ACBD6: variants seen among roughly 807,000 people sequenced by gnomAD.
ACBD6 encodes the protein acyl-CoA-binding domain-containing protein 6.
ACBD6 carries 28 observed loss-of-function variants against 37.2 expected under a neutral mutation model. The observed-to-expected ratio is 0.75, with a 90% CI of 0.56 to 1.03. The LOEUF is 1.03. Ranked by LOEUF, ACBD6 falls within the 50% of genes least tolerant of loss-of-function variation. The pLI is 0.00. For missense variants in ACBD6, 340 were observed against 337.4 expected, an observed-to-expected ratio of 1.01 and a Z score of -0.06; for synonymous variants, 113 against 126.8, an observed-to-expected ratio of 0.89 and a Z score of 0.73.
Position 180,295,705 on chromosome 1 carries a change from A to G in ACBD6, c.695-7188T>C, listed in dbSNP as rs976423751. ...ATGATAAATGATCTTTGATGTTACT[A>G]TTGTAATTTTTTGGGGGTGCCATGA... is the stretch of plus-strand genomic sequence containing the variant. On this transcript the variant is annotated intron_variant, in intron 7 of 7. Transcript: ENST00000367595. Among the ~76,000 whole-genome samples the G allele has an allele frequency of 5.0e-4, 76 of 152,072 alleles. 1 individual carries two copies. The highest frequency in any genetic ancestry group is 1.3e-4 in the Non-Finnish European group (9 of 68,010).
chr1:180,485,007 TTGCAGTGAGCCGAGATTGCACAAC>T (rs1651205365), intron 3 of ACBD6, among the ~76,000 whole-genome samples: 1 of 150,532 alleles, frequency 6.6e-6, no homozygotes, highest in Non-Finnish European at 1.5e-5. Flanking sequence ...AAGGCGGGGG[TTGCAGTGAGCCGAGATTGCACAAC>T]TGCAAATCTG....
chr1:180,440,519 T>G (rs1442144010), intron 3 of ACBD6, among the ~76,000 whole-genome samples: 1 of 152,220 alleles, frequency 6.6e-6, no homozygotes, highest in Non-Finnish European at 1.5e-5. Context: ...TTCACAATAT[T>G]GTGCAACCAA....
At position 180,335,984 on chromosome 1, in the gene ACBD6, C is replaced by A. The variant is rs746641193; in HGVS notation, c.664-21262G>T. ...TAACTATCCTAAATATATATGCACC[C>A]AATACAGGAGCACCCAGATTCATAA... On this transcript the variant is annotated intron_variant, in intron 6 of 7. Transcript: ENST00000367595. Among the ~76,000 whole-genome samples the A allele has an allele frequency of 3.9e-3, 593 of 151,642 alleles. 3 individuals are homozygous for A. Among genetic ancestry groups the A allele is most frequent in the Non-Finnish European group, 6.2e-3 (421 of 67,818 alleles).
chr1:180,355,711 T>C (rs148912354), intron 6 of ACBD6, among the ~76,000 whole-genome samples: 1 of 152,138 alleles, frequency 6.6e-6, no homozygotes. Flanking sequence ...AGAGCTTCCT[T>C]AATAATTTAT....
At chr1:180,497,592 T>C (rs1236901319) in intron 1 of ACBD6, among the ~76,000 whole-genome samples, 3 of 152,212 alleles carry the variant, frequency 2.0e-5, no homozygotes, top group African/African-American at 4.8e-5. Context: ...ATTTAAAAAA[T>C]GTGTATTAAT....
chr1:180,437,892 T>C (rs550621364), intron 3 of ACBD6, among the ~76,000 whole-genome samples: 11 of 151,994 alleles, frequency 7.2e-5, no homozygotes, highest in African/African-American at 2.2e-4. Context: ...GTTCCAGCCA[T>C]AGGAAAAAGC....
intron 7 of ACBD6, among the ~76,000 whole-genome samples, chr1:180,304,041 T>C (rs1283680652): frequency 6.0e-5 from 9 of 150,738 alleles, no homozygotes; most frequent in African/African-American, 2.2e-4. Context: ...AAAAGGCCTT[T>C]GACAAAATTC....
In ACBD6 at chr1:180,413,490, A is replaced by G. The variant is rs762131114; in HGVS notation, c.468-19T>C. ...TTCTTCCCTAGAATAAAAAAAAGAA[A>G]GGTCTTTTTTTACTGGGTAATACAT... On this transcript the variant is annotated intron_variant, in intron 4 of 7. Transcript: ENST00000367595. 6.4e-7 allele frequency: 1 copy of G among 1,550,824 alleles called. No homozygotes were observed. The highest frequency in any genetic ancestry group is 8.9e-7 in the Non-Finnish European group (1 of 1,126,382).
At chr1:180,476,278 T>A (rs1459601039) in intron 3 of ACBD6, among the ~76,000 whole-genome samples, 1 of 152,184 alleles carries the variant, frequency 6.6e-6, no homozygotes, top group Non-Finnish European at 1.5e-5. Flanking sequence ...ATGCCGGAGG[T>A]TGAAAATTTT....
chr1:180,411,873 T>C (rs1407361961), intron 5 of ACBD6, among the ~76,000 whole-genome samples: 2 of 152,086 alleles, frequency 1.3e-5, no homozygotes, highest in East Asian at 3.9e-4. Flanking sequence ...GATCTCACTA[T>C]GTTGGCCAGG....
At chr1:180,284,904 C>T (rs1018492081), downstream of ACBD6, among the ~76,000 whole-genome samples, 3 of 152,040 alleles carry the variant, frequency 2.0e-5, no homozygotes, top group African/African-American at 7.2e-5. Context: ...GTAATCCCAG[C>T]ACTTTGGGAG....
At chr1:180,464,432 T>A (rs1557881636) in intron 3 of ACBD6, among the ~76,000 whole-genome samples, 1 of 151,978 alleles carries the variant, frequency 6.6e-6, no homozygotes, top group Non-Finnish European at 1.5e-5. Flanking sequence ...GGCAATCCCA[T>A]TCACAACTGT....
chr1:180,366,693 A>G (rs1456451919), intron 6 of ACBD6, among the ~76,000 whole-genome samples: 1 of 152,220 alleles, frequency 6.6e-6, no homozygotes, highest in African/African-American at 2.4e-5. Context: ...GAAATAACTG[A>G]TTAAACAAAA....
intron 6 of ACBD6, among the ~76,000 whole-genome samples, chr1:180,333,349 T>C (rs1209185811): frequency 2.0e-5 from 3 of 152,214 alleles, no homozygotes; most frequent in Non-Finnish European, 4.4e-5. Context: ...TTCAATCTGT[T>C]GTGACAACAC....
chr1:180,484,746 A>G (rs1651192334), intron 3 of ACBD6, among the ~76,000 whole-genome samples: 1 of 152,100 alleles, frequency 6.6e-6, no homozygotes, highest in Admixed American at 6.6e-5. Context: ...GTATACATAC[A>G]TATGTTATGT....
At chr1:180,326,926 T>C (rs546950575) in intron 6 of ACBD6, among the ~76,000 whole-genome samples, 1 of 152,126 alleles carries the variant, frequency 6.6e-6, no homozygotes, top group Non-Finnish European at 1.5e-5. Flanking sequence ...GTATCCAAGA[T>C]GTAAGACAAA....
chr1:180,273,844 T>C (rs561880656), intron 11 of ACBD6: 6 of 326,764 alleles, frequency 1.8e-5, no homozygotes, highest in Admixed American at 1.4e-4. Flanking sequence ...ATTTGTGATG[T>C]GGAGACATCT....
intron 6 of ACBD6, among the ~76,000 whole-genome samples, chr1:180,356,514 T>C (rs1433802585): frequency 6.6e-6 from 1 of 151,856 alleles, no homozygotes; most frequent in Non-Finnish European, 1.5e-5. Flanking sequence ...ATACAGGAAG[T>C]TTAGATCAGT....
At chr1:180,495,269 A>ATGT (rs1651687042) in intron 2 of ACBD6, among the ~76,000 whole-genome samples, 192 bp downstream of exon 2, 3 of 152,248 alleles carry the variant, frequency 2.0e-5, no homozygotes, top group Non-Finnish European at 2.9e-5. Flanking sequence ...ACATGCTAGC[A>ATGT]TAAGAATCCT....
Sources: allele counts gnomAD v4.1 joint callset (sites outside exome capture counted in the v4.1 genomes callset), GRCh38; gene constraint gnomAD v4.1.1; transcripts MANE v1.5; gene names NCBI Gene and HGNC (gene_info 2026-07-23, HGNC 2026-07-21).